TRAM2: variants seen among roughly 807,000 people sequenced by gnomAD.
The protein encoded by TRAM2 is translocation associated membrane protein 2.
Under a neutral mutation model 51.0 loss-of-function variants are expected in TRAM2, and 12 were observed. The observed-to-expected ratio is 0.24, with a 90% CI of 0.15 to 0.38. The LOEUF (loss-of-function observed/expected upper bound fraction) is 0.38, where lower values mean the gene tolerates loss of function less well. Among genes scored for constraint, TRAM2 ranks in the 10% least tolerant of loss-of-function variants. The pLI, the probability that TRAM2 is intolerant of heterozygous loss-of-function variation, is 1.00. For synonymous variants in TRAM2, 175 were observed against 179.4 expected, an observed-to-expected ratio of 0.98 and a Z score of 0.20; for missense variants, 361 against 462.0, an observed-to-expected ratio of 0.78 and a Z score of 2.00.
At chr6:52,504,502 C>T (rs968308457) in intron 10 of TRAM2, 89 bp downstream of exon 10, 17 of 1,575,324 alleles carry the variant, frequency 1.1e-5, no homozygotes, top group Middle Eastern at 4.5e-4. Context: ...GTCTGGGCAG[C>T]GCCCAAGAAG....
rs1323606857 is a variant in TRAM2, at chr6:52,497,693, T to C, written c.*5504A>G. On this transcript the variant is annotated 3_prime_UTR_variant, in exon 11 of 11. Coordinates refer to ENST00000182527, the MANE Select transcript of TRAM2 (RefSeq NM_012288.4). Reference sequence around the variant, plus strand: ...AGAAAACAGACACTTTGTCCACATTTGCATTATCAGTTGCTCAGGGCACCA... The same window carrying C: ...AGAAAACAGACACTTTGTCCACATTCGCATTATCAGTTGCTCAGGGCACCA... The C allele has an allele frequency of 1.3e-5, 2 of 152,612 alleles. No homozygotes were observed. The highest frequency in any genetic ancestry group is 2.9e-5 in the Non-Finnish European group (2 of 68,032). 9.5% of individuals were successfully genotyped at this position (152,612 alleles called of 1,614,324 possible).
rs896314153 is a variant in TRAM2 at position 52,568,835 on chromosome 6, A to C, written c.120+7961T>G. On this transcript the variant is annotated intron_variant, in intron 1 of 10. Transcript: ENST00000182527. ...TAAAGATGAAGGAACAAACTGATTA[A>C]ACTAACAATACTCTGTCCCTGCAAA... Among the ~76,000 whole-genome samples, 22 of 152,322 alleles carry C rather than the reference A, an allele frequency of 1.4e-4. No individual in the cohort carries two copies. The South Asian group carries it at 1.5e-3, about 10-fold the overall frequency.
At chr6:52,538,145 G>C (rs1767007163) in intron 1 of TRAM2, among the ~76,000 whole-genome samples, 2 of 152,212 alleles carry the variant, frequency 1.3e-5, no homozygotes, top group Non-Finnish European at 2.9e-5. Context: ...CAGAGGAGTT[G>C]GAAGAAATGA....
rs766433478 is a variant in TRAM2, at chr6:52,499,467, C to G, written c.*3730G>C. 3.3e-5 allele frequency: 5 copies of G among 152,182 alleles called. No homozygotes were observed. Among genetic ancestry groups the G allele is most frequent in the Non-Finnish European group, 5.9e-5 (4 of 68,030 alleles). The allele number at this position is 152,182 out of a possible 1,614,324, so 9.4% of individuals were successfully genotyped here. A position where few individuals can be genotyped will look rare whatever the true frequency, so the allele number is the denominator to read the frequency against. On this transcript the variant is annotated 3_prime_UTR_variant, in exon 11 of 11. Coordinates refer to ENST00000182527, the MANE Select transcript of TRAM2 (RefSeq NM_012288.4). ...AAGGCTGAAGCATACAAAGGAAACC[C>G]AAGCGAAGGCCTTTTCTAGGCACAA...
chr6:52,545,496 AAAGAG>A (rs928050823), intron 1 of TRAM2, among the ~76,000 whole-genome samples: 1 of 152,212 alleles, frequency 6.6e-6, no homozygotes, highest in African/African-American at 2.4e-5. Context: ...GGACACACAC[AAAGAG>A]AAGGAAAGAG....
rs13217180 is a variant in TRAM2 at position 52,500,094 on chromosome 6, G to A, written c.*3103C>T. 1,500 of 152,584 alleles carry A rather than the reference G, an allele frequency of 9.8e-3. 8 individuals are homozygous for A. The highest frequency in any genetic ancestry group is 0.016 in the South Asian group (75 of 4,824). The allele number at this position is 152,584 out of a possible 1,614,324, so 9.5% of individuals were successfully genotyped here. A position where few individuals can be genotyped will look rare whatever the true frequency, so the allele number is the denominator to read the frequency against. On this transcript the variant is annotated 3_prime_UTR_variant, in exon 11 of 11. Transcript: ENST00000182527. ...TGTGTCTGTTGGCTTCCCCACAAAT[G>A]TAAGTTAGTTAGCCAGGGCTGTCGA...
intron 2 of TRAM2, chr6:52,524,412 C>T (rs1229208463): frequency 3.5e-5 from 4 of 113,888 alleles, no homozygotes; most frequent in East Asian, 5.1e-4. Context: ...ATTCTTGGGG[C>T]GGGGGGTGGG....
chr6:52,536,859 G>A (rs1226936781), intron 1 of TRAM2, among the ~76,000 whole-genome samples: 1 of 152,118 alleles, frequency 6.6e-6, no homozygotes, highest in Non-Finnish European at 1.5e-5. Context: ...AGGGCCCTCT[G>A]GAGACACCTC....
In TRAM2 at chr6:52,503,030, G is replaced by T; in HGVS notation, c.*167C>A. On this transcript the variant is annotated 3_prime_UTR_variant, in exon 11 of 11. Transcript: ENST00000182527. Reference sequence around the variant, plus strand: ...ATGGTTTGTGGAAGAATAAGAGGAAGCCAAGAAGAAGGAAAGCGAAACGCC... The same window carrying T: ...ATGGTTTGTGGAAGAATAAGAGGAATCCAAGAAGAAGGAAAGCGAAACGCC... 1 of 661,862 alleles carries T rather than the reference G, an allele frequency of 1.5e-6. No individual in the cohort carries two copies. Among genetic ancestry groups the T allele is most frequent in the Non-Finnish European group, 2.7e-6 (1 of 373,584 alleles). 41.0% of individuals were successfully genotyped at this position (661,862 alleles called of 1,614,324 possible).
intron 9 of TRAM2, 95 bp from the exon 10 acceptor site, chr6:52,504,849 G>A: frequency 8.4e-7 from 1 of 1,184,104 alleles, no homozygotes; most frequent in Non-Finnish European, 1.2e-6. Context: ...GGGCCCTGCA[G>A]TTCCCATGGC....
At chr6:52,529,695 G>T (rs1766850909) in intron 2 of TRAM2, 1 of 152,166 alleles carries the variant, frequency 6.6e-6, no homozygotes, top group Admixed American at 6.5e-5. Flanking sequence ...AGATCCAGGT[G>T]TTAAGTGTTT....
At chr6:52,509,123 T>C (rs1766403164) in intron 5 of TRAM2, among the ~76,000 whole-genome samples, 1 of 152,180 alleles carries the variant, frequency 6.6e-6, no homozygotes, top group African/African-American at 2.4e-5. Context: ...TGGGGTACAC[T>C]GCCCTCTTGG....
intron 6 of TRAM2, 117 bp downstream of exon 6, chr6:52,508,117 C>G: frequency 2.2e-6 from 2 of 921,144 alleles, no homozygotes; most frequent in South Asian, 3.4e-5. Flanking sequence ...CAACATATTC[C>G]TATCACCACC....
At chr6:52,539,708 C>G in intron 1 of TRAM2, among the ~76,000 whole-genome samples, 1 of 152,146 alleles carries the variant, frequency 6.6e-6, no homozygotes, top group East Asian at 1.9e-4. Flanking sequence ...TGGCTTCAAA[C>G]TGCCCCAGAA....
At chr6:52,559,568 C>A (rs984725410) in intron 1 of TRAM2, among the ~76,000 whole-genome samples, 3 of 152,164 alleles carry the variant, frequency 2.0e-5, no homozygotes, top group African/African-American at 7.2e-5. Context: ...AGGTAGAGTG[C>A]TTTTTACAAG....
At chr6:52,544,064 A>G (rs1767152380) in intron 1 of TRAM2, among the ~76,000 whole-genome samples, 1 of 152,222 alleles carries the variant, frequency 6.6e-6, no homozygotes. Context: ...AGAGCTAGGC[A>G]CGTGGATTAG....
chr6:52,506,162 C>T (rs1317686674), intron 7 of TRAM2, 26 bp from the exon 8 acceptor site: 4 of 1,601,744 alleles, frequency 2.5e-6, no homozygotes, highest in Middle Eastern at 1.7e-4. Flanking sequence ...ACTAGACTTA[C>T]ATTCCCTCCA....
chr6:52,560,601 G>A (rs909611118), intron 1 of TRAM2, among the ~76,000 whole-genome samples: 2 of 152,222 alleles, frequency 1.3e-5, no homozygotes, highest in African/African-American at 4.8e-5. Flanking sequence ...TGCCGTTAGA[G>A]CAGGAGCTGT....
At chr6:52,567,732 C>A (rs1257852544) in intron 1 of TRAM2, among the ~76,000 whole-genome samples, 2 of 152,190 alleles carry the variant, frequency 1.3e-5, no homozygotes, top group Non-Finnish European at 2.9e-5. Flanking sequence ...GTCTCAAAGC[C>A]AAACCCAGAT....
Sources: gnomAD v4.1 joint callset for allele counts (sites outside exome capture counted in the v4.1 genomes callset) on GRCh38, gnomAD v4.1.1 for gene constraint, MANE v1.5 for transcripts, NCBI Gene and HGNC (gene_info 2026-07-23, HGNC 2026-07-21) for gene names.